The following KCNH8 variants were observed in gnomAD, a reference collection of about 807,000 sequenced individuals.
KCNH8 encodes the protein potassium voltage-gated channel subfamily H member 8.
KCNH8 carries 70 observed loss-of-function variants against 103.6 expected under a neutral mutation model. The observed-to-expected ratio is 0.68, with a 90% CI of 0.56 to 0.82. KCNH8 has a LOEUF of 0.82. KCNH8 is among the 40% of genes least tolerant of loss of function. KCNH8 has a pLI of 0.00. For synonymous variants in KCNH8, 498 were observed against 489.4 expected (o/e 1.02, Z -0.23); for missense variants, 1,217 against 1,329.9 (o/e 0.92, Z 1.32).
At chr3:19,469,391 G>C (rs1041446088) in intron 11 of KCNH8, among the ~76,000 whole-genome samples, 10 of 152,182 alleles carry the variant, frequency 6.6e-5, no homozygotes, top group African/African-American at 2.2e-4. Context: ...TAATGGCCTG[G>C]GAATTGTACT....
intron 7 of KCNH8, among the ~76,000 whole-genome samples, chr3:19,435,758 A>G (rs904957466): frequency 2.6e-5 from 4 of 152,352 alleles, no homozygotes; most frequent in Admixed American, 6.5e-5. Context: ...AGTGTTTTAT[A>G]TAACCACAGA....
chr3:19,478,479 T>C (rs938844019), intron 11 of KCNH8, among the ~76,000 whole-genome samples: 1 of 152,170 alleles, frequency 6.6e-6, no homozygotes, highest in African/African-American at 2.4e-5. Flanking sequence ...TTCTCACTAA[T>C]GTAAGATGGT....
chr3:19,426,030 C>T (rs138714511), intron 7 of KCNH8, among the ~76,000 whole-genome samples: 35 of 152,276 alleles, frequency 2.3e-4, no homozygotes, highest in African/African-American at 7.2e-4. Context: ...GCTGTGACAA[C>T]GCAGAGAATC....
intron 5 of KCNH8, 152 bp from the exon 6 acceptor site, chr3:19,390,329 A>C: frequency 1.6e-6 from 1 of 628,496 alleles, no homozygotes; most frequent in East Asian, 2.8e-5. Flanking sequence ...GCCTAATTTT[A>C]TTTAATTTTC....
At chr3:19,189,159 C>G (rs113064936) in intron 1 of KCNH8, among the ~76,000 whole-genome samples, 3,610 of 152,088 alleles carry the variant, frequency 0.024, 141 homozygotes, top group African/African-American at 0.081. Flanking sequence ...AGTTAAGATA[C>G]ATTCTCTGAC....
rs188380720 is a variant in KCNH8, at chr3:19,475,396, C to G, written c.2040+18414C>G. ...TTACAAAGAGAAGCTCCTCATATCC[C>G]TGTGATTTTTCCCAAATTTGGAAAT... On this transcript the variant is annotated intron_variant, in intron 11 of 15. Coordinates refer to ENST00000328405, the MANE Select transcript of KCNH8 (RefSeq NM_144633.3). 4.7e-3 allele frequency among the ~76,000 whole-genome samples: 715 copies of G among 152,294 alleles called. 2 individuals are homozygous for G. Among genetic ancestry groups the G allele is most frequent in the Non-Finnish European group, 6.7e-3 (454 of 68,020 alleles).
intron 1 of KCNH8, among the ~76,000 whole-genome samples, chr3:19,188,853 A>C (rs930755927): frequency 5.3e-5 from 8 of 152,084 alleles, no homozygotes; most frequent in Non-Finnish European, 7.4e-5. Context: ...TATGTTGCCC[A>C]GACTGGATTC....
At chr3:19,174,754 G>A (rs1216871333) in intron 1 of KCNH8, among the ~76,000 whole-genome samples, 3 of 152,152 alleles carry the variant, frequency 2.0e-5, no homozygotes, top group Non-Finnish European at 2.9e-5. Flanking sequence ...AGATGGATAT[G>A]ACTGTTAAAG....
chr3:19,427,657 G>T (rs2067048785), intron 7 of KCNH8, among the ~76,000 whole-genome samples: 3 of 152,066 alleles, frequency 2.0e-5, no homozygotes, highest in Non-Finnish European at 4.4e-5. Flanking sequence ...TCAGTCTGTG[G>T]TTCCAAAAAG....
chr3:19,481,486 C>G (rs1413298877), intron 11 of KCNH8, among the ~76,000 whole-genome samples: 3 of 152,040 alleles, frequency 2.0e-5, no homozygotes, highest in African/African-American at 7.2e-5. Flanking sequence ...GTAGAAGGGA[C>G]TCAAAATTGG....
At chr3:19,314,910 C>T (rs985639746) in intron 3 of KCNH8, 1 of 154,126 alleles carries the variant, frequency 6.5e-6, no homozygotes, top group African/African-American at 2.4e-5. Flanking sequence ...GAGCTTATTT[C>T]AGTCATCATA....
intron 8 of KCNH8, among the ~76,000 whole-genome samples, chr3:19,438,748 C>CT (rs1190007603): frequency 6.6e-6 from 1 of 152,152 alleles, no homozygotes; most frequent in Non-Finnish European, 1.5e-5. Context: ...TGGACAGTGG[C>CT]TTAGAACCTG....
chr3:19,228,357 C>T (rs2063955657), intron 1 of KCNH8, among the ~76,000 whole-genome samples: 1 of 152,204 alleles, frequency 6.6e-6, no homozygotes, highest in South Asian at 2.1e-4. Flanking sequence ...TTGCTAATCC[C>T]TACTCTAAAA....
At chr3:19,503,923 TATAATAATA>T (rs540752455) in intron 11 of KCNH8, among the ~76,000 whole-genome samples, 1 of 150,692 alleles carries the variant, frequency 6.6e-6, no homozygotes, top group Non-Finnish European at 1.5e-5. Context: ...AAACTTAAAG[TATAATAATA>T]ATAATAATAA....
rs191154294 is a variant in KCNH8, at chr3:19,282,046, T to C, written c.442+717T>C. Among the ~76,000 whole-genome samples, 842 of 152,202 alleles carry C rather than the reference T, an allele frequency of 5.5e-3. 6 individuals carry two copies. Among genetic ancestry groups the C allele is most frequent in the African/African-American group, 0.019 (780 of 41,562 alleles). ...TCACCAGAGAAAAAGCAATTATCCTTTGTGGATTTCTATGTAGTAAGTTCT... is the reference window on the plus strand; with the variant it reads ...TCACCAGAGAAAAAGCAATTATCCTCTGTGGATTTCTATGTAGTAAGTTCT... On this transcript the variant is annotated intron_variant, in intron 3 of 15. Transcript: ENST00000328405.
intron 3 of KCNH8, among the ~76,000 whole-genome samples, chr3:19,318,471 A>G (rs1042744979): frequency 6.6e-6 from 1 of 151,692 alleles, no homozygotes; most frequent in African/African-American, 2.4e-5. Flanking sequence ...TATCATTCTT[A>G]TGCCTTTGCA....
chr3:19,229,528 A>G (rs1432525232), intron 1 of KCNH8, among the ~76,000 whole-genome samples: 1 of 152,202 alleles, frequency 6.6e-6, no homozygotes, highest in African/African-American at 2.4e-5. Flanking sequence ...GGCTCCTTTC[A>G]GCCACTGCTG....
chr3:19,391,703 C>T (rs2125131569), intron 6 of KCNH8: 1 of 152,062 alleles, frequency 6.6e-6, no homozygotes, highest in Middle Eastern at 3.4e-3. Context: ...GGGAGGTTGA[C>T]AGTGCCAACA....
chr3:19,457,420 G>A (rs892684055), intron 11 of KCNH8, among the ~76,000 whole-genome samples: 3 of 151,966 alleles, frequency 2.0e-5, no homozygotes, highest in African/African-American at 7.2e-5. Context: ...ACACAAAACA[G>A]TCTATCTTAA....
Sources: allele counts gnomAD v4.1 joint callset (sites outside exome capture counted in the v4.1 genomes callset), GRCh38; gene constraint gnomAD v4.1.1; transcripts MANE v1.5; gene names NCBI Gene and HGNC (gene_info 2026-07-23, HGNC 2026-07-21).